Variants in MRPS35 observed in about 807,000 individuals in gnomAD.
MRPS35 encodes the protein mitochondrial ribosomal protein S35.
Under a neutral mutation model 32.7 loss-of-function variants are expected in MRPS35, and 29 were observed. The observed-to-expected ratio is 0.89, with a 90% CI of 0.66 to 1.21. MRPS35 has a LOEUF of 1.21. MRPS35 is among the 50% of genes most tolerant of loss of function. The pLI is 0.00. For missense variants in MRPS35, 373 were observed against 383.8 expected (o/e 0.97, Z 0.23); for synonymous variants, 148 against 139.3 (o/e 1.06, Z -0.44).
At chr12:27,718,157 G>C (rs548659916) in intron 3 of MRPS35, among the ~76,000 whole-genome samples, 8 of 152,304 alleles carry the variant, frequency 5.3e-5, no homozygotes, top group African/African-American at 1.7e-4. Flanking sequence ...AGGTGTGGTG[G>C]CTCACACCCG....
intron 5 of MRPS35, among the ~76,000 whole-genome samples, chr12:27,726,226 A>G: frequency 6.6e-6 from 1 of 151,972 alleles, no homozygotes; most frequent in Non-Finnish European, 1.5e-5. Context: ...CTCTGGATTT[A>G]CCTATTCTTG....
chr12:27,724,606 G>T (rs1448332715), intron 5 of MRPS35, among the ~76,000 whole-genome samples: 2 of 152,080 alleles, frequency 1.3e-5, no homozygotes, highest in African/African-American at 4.8e-5. Context: ...AGCTGGGCGT[G>T]GTGGTGGGCA....
intron 2 of MRPS35, 122 bp from the exon 3 acceptor site, chr12:27,716,169 A>T: frequency 1.1e-6 from 1 of 896,768 alleles, no homozygotes; most frequent in Non-Finnish European, 1.6e-6. Flanking sequence ...GTCAGATTTT[A>T]CATATGTTGC....
chr12:27,712,181 A>G (rs749606746), intron 1 of MRPS35, among the ~76,000 whole-genome samples: 131 of 152,096 alleles, frequency 8.6e-4, no homozygotes, highest in Non-Finnish European at 1.5e-3. Flanking sequence ...GGTATGGGGA[A>G]CTATAAGTGC....
In MRPS35 at chr12:27,737,625, A is replaced by G. The variant is rs1042931417; in HGVS notation, c.702+17A>G. The G allele has an allele frequency of 1.3e-6, 2 of 1,570,078 alleles. No individual in the cohort carries two copies. On this transcript the variant is annotated intron_variant, in intron 7 of 7. Coordinates refer to ENST00000081029, the MANE Select transcript of MRPS35 (RefSeq NM_021821.4). ...GAGTCTTGGGTAAGTGTGTGTGAAT[A>G]TTTAATGATTTTGTCATTGTAATTT...
intron 1 of MRPS35, among the ~76,000 whole-genome samples, chr12:27,713,855 A>G (rs2061838003): frequency 6.6e-6 from 1 of 152,140 alleles, no homozygotes; most frequent in Admixed American, 6.5e-5. Context: ...TGGGAGGCTG[A>G]GGTGGGTGGA....
chr12:27,711,694 G>A (rs991127978), intron 1 of MRPS35, among the ~76,000 whole-genome samples: 1 of 151,380 alleles, frequency 6.6e-6, no homozygotes, highest in Non-Finnish European at 1.5e-5. Context: ...TCCGTTTCCT[G>A]TTTCCCCTCT....
chr12:27,711,202 T>A (rs1285599175), intron 1 of MRPS35, among the ~76,000 whole-genome samples: 1 of 152,218 alleles, frequency 6.6e-6, no homozygotes, highest in Non-Finnish European at 1.5e-5. Context: ...TACATCCCCC[T>A]TCCCCGTGAC....
Position 27,724,101 on chromosome 12 carries a change from AT to A in MRPS35, c.441del (p.Pro148GlnfsTer23). The A allele has an allele frequency of 1.2e-6, 2 of 1,613,224 alleles. No individual in the cohort carries two copies. Among genetic ancestry groups the A allele is most frequent in the Admixed American group, 1.7e-5 (1 of 59,664 alleles). On this transcript the variant is annotated frameshift_variant, in exon 5 of 8. Transcript: ENST00000081029. LOFTEE classifies it high-confidence loss of function. ...GACAGTGACGAGAAATGTGAGAAGC[AT>A]TTTCCAATTGAAATTGACAGCACTG... is the stretch of plus-strand genomic sequence containing the variant. ...ALDSDEKCEK[H>X]FPIEIDSTDY...
rs149548847 is a variant in MRPS35, at chr12:27,754,765, C to CA, written c.703-395dup. On this transcript the variant is annotated intron_variant, in intron 7 of 7. Transcript: ENST00000081029. ...CTGGGTGACAGAGTGAGACCCATCT[C>CA]AAAAAAAAAAAAAAAAAAAAAGTGA... Among the ~76,000 whole-genome samples the CA allele has an allele frequency of 4.6e-3, 478 of 103,440 alleles. 6 individuals carry two copies. Among genetic ancestry groups the CA allele is most frequent in the Middle Eastern group, 0.037 (8 of 214 alleles). The allele number at this position is 103,440 out of a possible 152,430, so 67.9% of individuals were successfully genotyped here. A position where few individuals can be genotyped will look rare whatever the true frequency, so the allele number is the denominator to read the frequency against.
At chr12:27,722,276 A>G (rs1372699535) in intron 4 of MRPS35, among the ~76,000 whole-genome samples, 1 of 152,216 alleles carries the variant, frequency 6.6e-6, no homozygotes, top group Admixed American at 6.5e-5. Context: ...GCAAATGGAA[A>G]ATCTGAAGCA....
intron 1 of MRPS35, among the ~76,000 whole-genome samples, chr12:27,713,094 C>T (rs2061834884): frequency 6.6e-6 from 1 of 152,216 alleles, no homozygotes; most frequent in African/African-American, 2.4e-5. Flanking sequence ...TTCTCTCTGT[C>T]TCTCTCTGTT....
chr12:27,729,000 G>A (rs2140765780), intron 5 of MRPS35, among the ~76,000 whole-genome samples: 1 of 152,252 alleles, frequency 6.6e-6, no homozygotes, highest in African/African-American at 2.4e-5. Context: ...ACTTGGCTAA[G>A]AAGCTGACAA....
intron 7 of MRPS35, among the ~76,000 whole-genome samples, chr12:27,741,122 C>A (rs566337722): frequency 9.2e-5 from 14 of 151,764 alleles, no homozygotes; most frequent in African/African-American, 2.9e-4. Flanking sequence ...GAGCCAAGAT[C>A]GCACCACTGC....
intron 5 of MRPS35, among the ~76,000 whole-genome samples, chr12:27,730,568 G>A (rs1299964182): frequency 6.6e-6 from 1 of 152,096 alleles, no homozygotes; most frequent in Non-Finnish European, 1.5e-5. Flanking sequence ...TCCCACCTTT[G>A]TTTCCCCAGT....
chr12:27,742,753 T>TA (rs1218172832), intron 7 of MRPS35, among the ~76,000 whole-genome samples: 2 of 152,252 alleles, frequency 1.3e-5, no homozygotes, highest in African/African-American at 4.8e-5. Flanking sequence ...ATTGAGCTGA[T>TA]ACAGTATTTT....
intron 1 of MRPS35, among the ~76,000 whole-genome samples, chr12:27,713,801 A>G (rs1358500382): frequency 6.6e-6 from 1 of 152,146 alleles, no homozygotes; most frequent in Non-Finnish European, 1.5e-5. Context: ...AAAGTTAACT[A>G]TCATGGCTGG....
At chr12:27,753,949 T>C (rs2062016290) in intron 7 of MRPS35, among the ~76,000 whole-genome samples, 1 of 152,108 alleles carries the variant, frequency 6.6e-6, no homozygotes, top group African/African-American at 2.4e-5. Flanking sequence ...AGAAAGATAA[T>C]AACAAAATAA....
chr12:27,721,407 T>G (rs1008438371), intron 4 of MRPS35, among the ~76,000 whole-genome samples: 1 of 152,152 alleles, frequency 6.6e-6, no homozygotes, highest in Admixed American at 6.5e-5. Flanking sequence ...CCTGTAATGC[T>G]CGCACTTTGG....
Sources: allele counts gnomAD v4.1 joint callset (sites outside exome capture counted in the v4.1 genomes callset), GRCh38; gene constraint gnomAD v4.1.1; transcripts MANE v1.5; gene names NCBI Gene and HGNC (gene_info 2026-07-23, HGNC 2026-07-21).